BEND3: variants seen among roughly 807,000 people sequenced by gnomAD.
The protein encoded by BEND3 is BEN domain containing 3, also known as BEN domain-containing protein 3.
A neutral mutation model predicts 60.1 loss-of-function variants in BEND3; 13 were observed. The ratio of observed to expected loss-of-function variants is 0.22; its 90% CI spans 0.14 to 0.34. The LOEUF (loss-of-function observed/expected upper bound fraction) is 0.34, where lower values mean the gene tolerates loss of function less well. Among genes scored for constraint, BEND3 ranks in the 10% least tolerant of loss-of-function variants. The probability of loss-of-function intolerance (pLI) is 1.00; values close to 1 mark genes in which losing one functional copy is unlikely to be tolerated. For missense variants in BEND3, 896 were observed against 1,138.1 expected (o/e 0.79, Z 3.06); for synonymous variants, 497 against 491.5 (o/e 1.01, Z -0.15).
rs1774815317 is a variant in BEND3 at position 107,065,820 on chromosome 6, G to T, written c.*2884C>A. The T allele has an allele frequency of 6.6e-6, 1 of 152,328 alleles. No homozygotes were observed. The highest frequency in any genetic ancestry group is 1.5e-5 in the Non-Finnish European group (1 of 68,050). 9.4% of individuals were successfully genotyped at this position (152,328 alleles called of 1,614,324 possible). On this transcript the variant is annotated 3_prime_UTR_variant, in exon 4 of 4. Transcript: ENST00000369042. ...CACTCCCCACAAACATAAAAGGAAA[G>T]GAAGGTTTGGAGCCAACACCGAAAG...
At chr6:107,099,125 A>G in intron 2 of BEND3, 124 bp downstream of exon 2, 1 of 752,458 alleles carries the variant, frequency 1.3e-6, no homozygotes, top group Non-Finnish European at 2.3e-6. Flanking sequence ...ACCGGGGAAC[A>G]AGTGTGTGGG....
At chr6:107,112,803 A>C (rs1260624103) in intron 1 of BEND3, among the ~76,000 whole-genome samples, 6 of 151,180 alleles carry the variant, frequency 4.0e-5, no homozygotes, top group Admixed American at 4.0e-4. Flanking sequence ...CGGTGAGCCA[A>C]GATCAGACCA....
intron 3 of BEND3, 105 bp downstream of exon 3, chr6:107,098,446 C>G (rs1554236289): frequency 8.4e-7 from 1 of 1,196,520 alleles, no homozygotes; most frequent in African/African-American, 1.5e-5. Flanking sequence ...TTCCCATGCC[C>G]AAGGGTTCAG....
At chr6:107,085,007 C>G (rs1775312546) in intron 3 of BEND3, among the ~76,000 whole-genome samples, 2 of 152,238 alleles carry the variant, frequency 1.3e-5, no homozygotes, top group Non-Finnish European at 1.5e-5. Context: ...CTCTTTGGGT[C>G]TGCAGTACCT....
Position 107,066,210 on chromosome 6 carries a change from A to G in BEND3, c.*2494T>C, listed in dbSNP as rs954164107. The G allele has an allele frequency of 2.0e-5, 3 of 152,200 alleles. No homozygotes were observed. Among genetic ancestry groups the G allele is most frequent in the Non-Finnish European group, 2.9e-5 (2 of 68,044 alleles). The allele number at this position is 152,200 out of a possible 1,614,324, so 9.4% of individuals were successfully genotyped here. On this transcript the variant is annotated 3_prime_UTR_variant, in exon 4 of 4. Transcript: ENST00000369042. ...ATGGAACACATTAAATTTTGAAAAA[A>G]TAAGTATTTTGTACTTCTATTGCTT...
chr6:107,068,999 T>A lies in BEND3; in HGVS notation c.2192A>T (p.Gln731Leu). The change falls in exon 4 of 4, where the codon CAG becomes CTG. Residue 731 changes from glutamine (Q) to leucine (L), a missense_variant. This residue lies in a region of BEND3 where 846 missense variants were observed against 1,036.7 expected (regional missense o/e 0.82). Coordinates refer to ENST00000369042, the MANE Select transcript of BEND3 (RefSeq NM_001367314.1). The surrounding 1 kb of genome is among the most constrained non-coding windows in gnomAD (Gnocchi z 5.8). The stretch of plus-strand genomic sequence containing the variant: ...AAAGTTGCCCACGGAGAGGCTCTGC[T>A]GCACGATCTCACGCACCTCCTTGTC... ...LSDKEVREIV[Q>L]QSLSVGNFAA... 6.2e-7 allele frequency: 1 copy of A among 1,613,730 alleles called. No individual in the cohort carries two copies. The highest frequency in any genetic ancestry group is 8.5e-7 in the Non-Finnish European group (1 of 1,180,008).
chr6:107,087,070 G>T (rs1775366944), intron 3 of BEND3, among the ~76,000 whole-genome samples: 2 of 151,486 alleles, frequency 1.3e-5, no homozygotes, highest in Admixed American at 1.3e-4. Context: ...ACAAGCCTGG[G>T]CCGGTAATCC....
intron 3 of BEND3, among the ~76,000 whole-genome samples, chr6:107,086,781 C>T (rs1407163649): frequency 6.6e-6 from 1 of 151,682 alleles, no homozygotes; most frequent in Non-Finnish European, 1.5e-5. Context: ...AATCCCAGCA[C>T]TTTGGGAGGC....
chr6:107,103,977 A>C (rs1341427971), intron 1 of BEND3, among the ~76,000 whole-genome samples: 1 of 151,030 alleles, frequency 6.6e-6, no homozygotes, highest in Non-Finnish European at 1.5e-5. Context: ...GAAAGAAAGA[A>C]AGAAAGAAAG....
intron 1 of BEND3, among the ~76,000 whole-genome samples, chr6:107,107,879 G>A (rs1357771649): frequency 6.6e-6 from 1 of 152,282 alleles, no homozygotes; most frequent in Admixed American, 6.5e-5. Flanking sequence ...GAGGGAGGGG[G>A]ATGAAACCAA....
chr6:107,070,694 G>A lies in BEND3; in HGVS notation c.497C>T (p.Ser166Leu), dbSNP rs782199389. ...FEKANASNSP[S>L]SLRLLNEPQK... is the part of the protein sequence containing the mutation. ...TGGCTCATTCAGGAGCCGCAGTGAC[G>A]AGGGGCTGTTGCTGGCGTTTGCCTT... Residue 166 changes from serine (S) to leucine (L), a missense_variant, in exon 4 of 4, where the codon TCG becomes TTG. By Grantham distance (145) the Ser-to-Leu change is moderately radical. Coordinates refer to ENST00000369042, the MANE Select transcript of BEND3 (RefSeq NM_001367314.1). The surrounding 1 kb of genome is among the most constrained non-coding windows in gnomAD (Gnocchi z 6.9). 9.9e-6 allele frequency: 16 copies of A among 1,613,162 alleles called. 1 individual carries two copies. The highest frequency in any genetic ancestry group is 6.6e-5 in the South Asian group (6 of 91,048).
At chr6:107,095,745 A>G (rs1160482486) in intron 3 of BEND3, among the ~76,000 whole-genome samples, 1 of 152,252 alleles carries the variant, frequency 6.6e-6, no homozygotes, top group East Asian at 1.9e-4. Context: ...ATGAAAAGAC[A>G]TGGAGGAAAC....
chr6:107,087,004 G>A (rs9400087), intron 3 of BEND3, among the ~76,000 whole-genome samples: 63,392 of 137,014 alleles, frequency 0.46, 14,616 homozygotes, highest in Middle Eastern at 0.6. Flanking sequence ...CAGTTTGGGC[G>A]ACAGAGCAAG....
rs1158122732 is a variant in BEND3, at chr6:107,113,437, C to CAAAA, written c.-12+1649_-12+1652dup. ...CGGGTGACAGAGCGAGACTCCGTCT[C>CAAAA]AAAAAAAAAAAAAAAACAAAAAAAA... On this transcript the variant is annotated intron_variant, in intron 1 of 3. Coordinates refer to ENST00000369042, the MANE Select transcript of BEND3 (RefSeq NM_001367314.1). Among the ~76,000 whole-genome samples, 39 of 13,058 alleles carry CAAAA rather than the reference C, an allele frequency of 3.0e-3. 3 individuals are homozygous for CAAAA. The highest frequency in any genetic ancestry group is 6.8e-3 in the African/African-American group (31 of 4,562). The allele number at this position is 13,058 out of a possible 152,430, so 8.6% of individuals were successfully genotyped here. A position where few individuals can be genotyped will look rare whatever the true frequency, so the allele number is the denominator to read the frequency against.
chr6:107,070,443 C>G lies in BEND3; in HGVS notation c.748G>C (p.Ala250Pro). The part of the protein sequence containing the change: ...FQPPPEYQLT[A>P]AELKQIVDQS... Reference sequence around the variant, plus strand: ...TCCACGATCTGCTTGAGCTCTGCGGCTGTGAGCTGGTACTCAGGGGGCGGC... The same window carrying G: ...TCCACGATCTGCTTGAGCTCTGCGGGTGTGAGCTGGTACTCAGGGGGCGGC... Residue 250 changes from alanine (A) to proline (P), a missense_variant, in exon 4 of 4, where the codon GCC (alanine) becomes CCC (proline). Ala to Pro is a conservative substitution (Grantham distance 27). This residue lies in a region of BEND3 where 846 missense variants were observed against 1,036.7 expected (regional missense o/e 0.82). Coordinates refer to ENST00000369042, the MANE Select transcript of BEND3 (RefSeq NM_001367314.1). The surrounding 1 kb of genome is among the most constrained non-coding windows in gnomAD (Gnocchi z 6.9). 6.2e-7 allele frequency: 1 copy of G among 1,614,124 alleles called. No homozygotes were observed. The highest frequency in any genetic ancestry group is 8.5e-7 in the Non-Finnish European group (1 of 1,180,030).
intron 3 of BEND3, among the ~76,000 whole-genome samples, chr6:107,072,149 A>G (rs1774996966): frequency 6.6e-6 from 1 of 152,316 alleles, no homozygotes; most frequent in Non-Finnish European, 1.5e-5. Context: ...GGGAGCAGGG[A>G]GCCTTTGCTC....
intron 1 of BEND3, among the ~76,000 whole-genome samples, chr6:107,108,039 G>A (rs1374633546): frequency 2.0e-5 from 3 of 152,200 alleles, no homozygotes; most frequent in African/African-American, 4.8e-5. Context: ...GGGACTTGCA[G>A]GACATGTTCG....
At chr6:107,071,188 G>C (rs903503187) in intron 3 of BEND3, among the ~76,000 whole-genome samples, 9 of 152,222 alleles carry the variant, frequency 5.9e-5, no homozygotes, top group African/African-American at 2.2e-4. Flanking sequence ...GCTGGGCCCA[G>C]GGAGGCTTTG....
Position 107,115,219 on chromosome 6 carries a change from G to T in BEND3, c.-141C>A, listed in dbSNP as rs1402352539. On this transcript the variant is annotated 5_prime_UTR_variant, in exon 1 of 4. Coordinates refer to ENST00000369042, the MANE Select transcript of BEND3 (RefSeq NM_001367314.1). ...CCTGGCCAGGGCGGCCCGGGGAGGC[G>T]CTGGGGGCGGCGGGCGGGCGAGCGC... The T allele has an allele frequency of 1.3e-5, 2 of 149,950 alleles. No individual in the cohort carries two copies. The highest frequency in any genetic ancestry group is 2.4e-5 in the African/African-American group (1 of 41,084). 9.3% of individuals were successfully genotyped at this position (149,950 alleles called of 1,614,324 possible).
Sources: gnomAD v4.1 joint callset for allele counts (sites outside exome capture counted in the v4.1 genomes callset) on GRCh38, gnomAD v4.1.1 for gene constraint, gnomAD v4.1.1 regional missense constraint, Gnocchi (gnomAD v3.1) non-coding constraint, MANE v1.5 for transcripts, NCBI Gene and HGNC (gene_info 2026-07-23, HGNC 2026-07-21) for gene names.